Variants in HYDIN observed in about 807,000 individuals in gnomAD.
HYDIN encodes the protein axonemal central pair apparatus protein HYDIN.
Under a neutral mutation model 403.9 loss-of-function variants are expected in HYDIN, and 132 were observed. The ratio of observed to expected loss-of-function variants is 0.33; its 90% CI spans 0.28 to 0.38. The LOEUF (loss-of-function observed/expected upper bound fraction) is 0.38, where lower values mean the gene tolerates loss of function less well. Ranked by LOEUF, HYDIN falls within the 10% of genes least tolerant of loss-of-function variation. HYDIN has a pLI of 1.00. For missense variants in HYDIN, 2,827 were observed against 5,009.5 expected (o/e 0.56, Z 13.15); for synonymous variants, 1,202 against 1,891.7 (o/e 0.64, Z 9.46).
chr16:71,181,255 G>A (rs1276870894), intron 3 of HYDIN, among the ~76,000 whole-genome samples: 11 of 149,536 alleles, frequency 7.4e-5, no homozygotes, highest in Admixed American at 4.0e-4. Flanking sequence ...GAATTTATAC[G>A]GAAATGCAAA....
intron 38 of HYDIN, among the ~76,000 whole-genome samples, chr16:70,961,637 C>A (rs974032166): frequency 5.3e-5 from 8 of 152,124 alleles, no homozygotes; most frequent in Admixed American, 1.3e-4. Flanking sequence ...AGAATGTCCC[C>A]CATCCCCATA....
chr16:71,024,913 A>T (rs1371488601), intron 21 of HYDIN, among the ~76,000 whole-genome samples: 1 of 152,228 alleles, frequency 6.6e-6, no homozygotes, highest in African/African-American at 2.4e-5. Context: ...TCCTTGTGTG[A>T]TAACAGAACC....
chr16:71,083,336 T>C (rs1323938611), intron 12 of HYDIN, among the ~76,000 whole-genome samples: 1 of 151,450 alleles, frequency 6.6e-6, no homozygotes, highest in East Asian at 1.9e-4. Context: ...TAGTATTCCA[T>C]TGTATAGATA....
intron 18 of HYDIN, among the ~76,000 whole-genome samples, chr16:71,040,501 C>G (rs12149036): frequency 1.4e-5 from 2 of 147,074 alleles, no homozygotes; most frequent in Non-Finnish European, 3.0e-5. Flanking sequence ...CCCTCCCCCC[C>G]ACACACACAA....
intron 47 of HYDIN, among the ~76,000 whole-genome samples, chr16:70,916,910 T>C (rs1287947456): frequency 1.3e-5 from 2 of 151,858 alleles, no homozygotes; most frequent in African/African-American, 4.8e-5. Context: ...CTCTCTCTTC[T>C]ATTCCTTCCG....
chr16:71,176,128 A>T (rs1389100850), intron 4 of HYDIN, among the ~76,000 whole-genome samples: 16,248 of 151,740 alleles, frequency 0.11, 2,997 homozygotes, highest in African/African-American at 0.37. Context: ...ATACAGTGAA[A>T]CCTCATCTCT....
At chr16:70,838,528 G>A (rs1309323510) in intron 76 of HYDIN, among the ~76,000 whole-genome samples, 2 of 152,042 alleles carry the variant, frequency 1.3e-5, no homozygotes, top group African/African-American at 4.8e-5. Flanking sequence ...TTTTCTACAC[G>A]AGGGTTTTGT....
Position 70,981,510 on chromosome 16 carries a change from G to A in HYDIN, c.4391C>T (p.Pro1464Leu), listed in dbSNP as rs1402667321. The change falls in exon 29 of 86, where the codon CCT becomes CTT. Residue 1464 changes from proline to leucine, a missense_variant. Coordinates refer to ENST00000393567, the MANE Select transcript of HYDIN (RefSeq NM_001270974.2). Reference protein sequence around the residue: ...VLKVYYLPGVPEVFKRSFQIQ... With the variant: ...VLKVYYLPGVLEVFKRSFQIQ... ...CTGGAAACTCCTTTTAAAGACCTCAGGTACTCCAGGTAGGTAGTAAACTTT... is the reference window on the plus strand; with the variant it reads ...CTGGAAACTCCTTTTAAAGACCTCAAGTACTCCAGGTAGGTAGTAAACTTT... The A allele has an allele frequency of 6.2e-7, 1 of 1,613,534 alleles. No individual in the cohort carries two copies. The highest frequency in any genetic ancestry group is 1.3e-5 in the African/African-American group (1 of 74,834).
chr16:71,064,560 G>A (rs1449694172), intron 16 of HYDIN, 145 bp downstream of exon 16: 12 of 706,094 alleles, frequency 1.7e-5, no homozygotes, highest in South Asian at 9.9e-5. Context: ...TTTATAACCC[G>A]ATCCTTAGAC....
At chr16:71,129,526 C>G (rs1038470693) in intron 9 of HYDIN, 114 bp downstream of exon 9, 1 of 952,196 alleles carries the variant, frequency 1.1e-6, no homozygotes, top group Admixed American at 2.9e-5. Flanking sequence ...TTCAGGTGGA[C>G]TCTTCACTCT....
At chr16:70,951,254 G>C (rs1313028691) in intron 41 of HYDIN, among the ~76,000 whole-genome samples, 295 of 149,642 alleles carry the variant, frequency 2.0e-3, no homozygotes, top group Non-Finnish European at 3.0e-3. Context: ...GGGACAGAGA[G>C]AGAGAGAGAG....
chr16:70,979,959 T>A (rs961030698), intron 29 of HYDIN, among the ~76,000 whole-genome samples: 2 of 151,658 alleles, frequency 1.3e-5, no homozygotes, highest in African/African-American at 4.9e-5. Flanking sequence ...AAAAGCCTAT[T>A]ATAAAACAAT....
Position 71,178,972 on chromosome 16 carries a change from A to G in HYDIN, c.337T>C (p.Cys113Arg). 2 of 1,610,796 alleles carry G rather than the reference A, an allele frequency of 1.2e-6. No homozygotes were observed. The highest frequency in any genetic ancestry group is 1.7e-6 in the Non-Finnish European group (2 of 1,177,328). The change falls in exon 4 of 86, where the codon TGT becomes CGT. Residue 113 changes from cysteine to arginine, a missense_variant. Coordinates refer to ENST00000393567, the MANE Select transcript of HYDIN (RefSeq NM_001270974.2). ...ATCAGTGGAACTTCATAGACTTCAC[A>G]GGGAGTGTAGTTCTGAAATATAATT... Reference protein sequence around the residue: ...SEIIFQNYTPCEVYEVPLILR... With the variant: ...SEIIFQNYTPREVYEVPLILR...
chr16:70,886,893 A>G (rs9928452), intron 58 of HYDIN, among the ~76,000 whole-genome samples: 5,599 of 151,854 alleles, frequency 0.037, 308 homozygotes, highest in African/African-American at 0.12. Flanking sequence ...GGTTTCTCCT[A>G]TTTGGGTTTG....
At chr16:71,180,736 A>G (rs2086866538) in intron 3 of HYDIN, among the ~76,000 whole-genome samples, 1 of 152,138 alleles carries the variant, frequency 6.6e-6, no homozygotes, top group Non-Finnish European at 1.5e-5. Context: ...TTTTAATACT[A>G]GAAATCAAAC....
At chr16:70,860,922 T>G in intron 69 of HYDIN, 21 bp from the exon 70 acceptor site, 1 of 648,014 alleles carries the variant, frequency 1.5e-6, no homozygotes, top group East Asian at 2.7e-5. Flanking sequence ...AAGGTTATTT[T>G]TATTTGTTTT....
chr16:71,225,890 T>C (rs1427907898), intron 1 of HYDIN, among the ~76,000 whole-genome samples: 1 of 152,194 alleles, frequency 6.6e-6, no homozygotes. Flanking sequence ...TTAAAAATTA[T>C]AAAACATCAT....
At chr16:70,826,626 C>G (rs1215473220) in intron 83 of HYDIN, among the ~76,000 whole-genome samples, 1 of 149,884 alleles carries the variant, frequency 6.7e-6, no homozygotes, top group Non-Finnish European at 1.5e-5. Context: ...GAATGCTGAT[C>G]TGATGAGATG....
rs370464813 is a variant in HYDIN, at chr16:70,976,643, C to CT, written c.4639-1375dup. The stretch of plus-strand genomic sequence containing the variant: ...ACGAGACGTTACTGCTGGGAAAACC[C>CT]TTTTTTTTTCAATTCCCTGTAAATA... On this transcript the variant is annotated intron_variant, in intron 30 of 85. Transcript: ENST00000393567. Among the ~76,000 whole-genome samples, 31 of 148,006 alleles carry CT rather than the reference C, an allele frequency of 2.1e-4. No homozygotes were observed. In the South Asian group the frequency reaches 3.9e-3, roughly 19 times the overall value.
Sources: gnomAD v4.1 joint callset for allele counts (sites outside exome capture counted in the v4.1 genomes callset) on GRCh38, gnomAD v4.1.1 for gene constraint, MANE v1.5 for transcripts, NCBI Gene and HGNC (gene_info 2026-07-23, HGNC 2026-07-21) for gene names.